The following DCLK2 variants were observed in gnomAD, a reference collection of about 807,000 sequenced individuals.
DCLK2 encodes the protein doublecortin like kinase 2, also known as serine/threonine-protein kinase DCLK2.
A neutral mutation model predicts 78.4 loss-of-function variants in DCLK2; 31 were observed. The ratio of observed to expected loss-of-function variants is 0.40; its 90% CI spans 0.30 to 0.53. DCLK2 has a LOEUF of 0.53. Ranked by LOEUF, DCLK2 falls within the 20% of genes least tolerant of loss-of-function variation. The pLI is 0.61. For synonymous variants in DCLK2, 407 were observed against 374.9 expected (o/e 1.09, Z -0.99); for missense variants, 872 against 973.7 (o/e 0.90, Z 1.39).
chr4:150,133,645 A>G (rs1733485895), intron 2 of DCLK2, among the ~76,000 whole-genome samples: 1 of 152,250 alleles, frequency 6.6e-6, no homozygotes, highest in African/African-American at 2.4e-5. Context: ...CTGTGTCAAC[A>G]TTTCCAAATT....
intron 2 of DCLK2, among the ~76,000 whole-genome samples, chr4:150,174,522 C>T (rs187920346): frequency 1.3e-5 from 2 of 152,190 alleles, no homozygotes; most frequent in East Asian, 1.9e-4. Flanking sequence ...GGCCACGCTT[C>T]GTTTAAGAAG....
intron 8 of DCLK2, among the ~76,000 whole-genome samples, chr4:150,230,765 C>A (rs1220461351): frequency 6.6e-6 from 1 of 152,188 alleles, no homozygotes; most frequent in African/African-American, 2.4e-5. Context: ...GGAAACGGGG[C>A]TCTGTCTGCT....
intron 8 of DCLK2, among the ~76,000 whole-genome samples, chr4:150,231,406 A>T (rs1742048011): frequency 6.6e-6 from 1 of 152,126 alleles, no homozygotes; most frequent in Non-Finnish European, 1.5e-5. Flanking sequence ...CTTGAAACAG[A>T]TTTTTCTCCA....
chr4:150,138,057 C>A (rs1260613384), intron 2 of DCLK2, among the ~76,000 whole-genome samples: 1 of 152,142 alleles, frequency 6.6e-6, no homozygotes, highest in Non-Finnish European at 1.5e-5. Context: ...ATTTTTATCT[C>A]CACCTGTTCT....
intron 5 of DCLK2, among the ~76,000 whole-genome samples, chr4:150,210,330 A>T (rs1269993350): frequency 6.6e-6 from 1 of 152,184 alleles, no homozygotes; most frequent in African/African-American, 2.4e-5. Context: ...TTTTACTTGC[A>T]AAAAACTAAC....
chr4:150,149,427 G>A (rs948633806), intron 2 of DCLK2, among the ~76,000 whole-genome samples: 2 of 152,128 alleles, frequency 1.3e-5, no homozygotes, highest in Non-Finnish European at 2.9e-5. Context: ...GGGTGTGTTT[G>A]GGTATCAGAA....
At chr4:150,110,377 T>C (rs957420878) in intron 2 of DCLK2, among the ~76,000 whole-genome samples, 2 of 152,240 alleles carry the variant, frequency 1.3e-5, no homozygotes, top group Admixed American at 1.3e-4. Context: ...GTTACATATG[T>C]ATTTGACAAT....
intron 2 of DCLK2, among the ~76,000 whole-genome samples, chr4:150,169,407 C>T (rs905367192): frequency 1.3e-5 from 2 of 152,164 alleles, no homozygotes; most frequent in African/African-American, 4.8e-5. Flanking sequence ...GCCTGTAATC[C>T]CAGCACTTTG....
intron 5 of DCLK2, 141 bp from the exon 6 acceptor site, chr4:150,220,562 G>C: frequency 3.2e-6 from 2 of 633,570 alleles, no homozygotes; most frequent in South Asian, 3.9e-5. Context: ...TAAGGAGAGA[G>C]GTGAGATGAG....
chr4:150,163,011 C>T (rs1447366815), intron 2 of DCLK2, among the ~76,000 whole-genome samples: 1 of 152,186 alleles, frequency 6.6e-6, no homozygotes, highest in African/African-American at 2.4e-5. Context: ...GACTGCGCAA[C>T]ACATCTTTCT....
chr4:150,211,972 A>G (rs1284040324), intron 5 of DCLK2, among the ~76,000 whole-genome samples: 1 of 152,216 alleles, frequency 6.6e-6, no homozygotes, highest in Admixed American at 6.5e-5. Flanking sequence ...TACCAGATGG[A>G]TGAAGAAAGC....
chr4:150,140,704 CTTCT>C (rs1734052535), intron 2 of DCLK2, among the ~76,000 whole-genome samples: 1 of 152,058 alleles, frequency 6.6e-6, no homozygotes, highest in African/African-American at 2.4e-5. Flanking sequence ...GTAGGTGCTA[CTTCT>C]TTATTTTTTA....
chr4:150,175,086 A>ATTTG lies in DCLK2; in HGVS notation c.757-18051_757-18050insTTGT, dbSNP rs1553964239. ...TATTTATATATATTTATATATTTAT[A>ATTTG]TATATATTTATATATATTTATATAT... On this transcript the variant is annotated intron_variant, in intron 2 of 15. Transcript: ENST00000296550. Among the ~76,000 whole-genome samples the ATTTG allele has an allele frequency of 1.1e-4, 4 of 38,018 alleles. 1 individual carries two copies. The highest frequency in any genetic ancestry group is 1.0e-3 in the Admixed American group (2 of 2,000). The allele number at this position is 38,018 out of a possible 152,430, so 24.9% of individuals were successfully genotyped here.
At chr4:150,196,721 T>G (rs1028449639) in intron 3 of DCLK2, among the ~76,000 whole-genome samples, 2 of 151,428 alleles carry the variant, frequency 1.3e-5, no homozygotes, top group Non-Finnish European at 2.9e-5. Context: ...AAATGTCAAA[T>G]GCATAATTCA....
chr4:150,102,038 A>G (rs1205366289), intron 1 of DCLK2, among the ~76,000 whole-genome samples: 1 of 152,210 alleles, frequency 6.6e-6, no homozygotes, highest in Non-Finnish European at 1.5e-5. Flanking sequence ...TGGAAGAAAT[A>G]TATTTGTATT....
chr4:150,097,378 G>A (rs1208423175), intron 1 of DCLK2, among the ~76,000 whole-genome samples: 1 of 152,070 alleles, frequency 6.6e-6, no homozygotes, highest in African/African-American at 2.4e-5. Context: ...GGTGAGGCTG[G>A]CCTGGAACTC....
At chr4:150,101,359 T>A (rs1463212064) in intron 1 of DCLK2, among the ~76,000 whole-genome samples, 1 of 152,204 alleles carries the variant, frequency 6.6e-6, no homozygotes, top group Non-Finnish European at 1.5e-5. Flanking sequence ...TAATCAGGAT[T>A]TCAAGAACAT....
At chr4:150,241,140 C>G (rs900472940) in intron 12 of DCLK2, among the ~76,000 whole-genome samples, 4 of 152,186 alleles carry the variant, frequency 2.6e-5, no homozygotes, top group Non-Finnish European at 5.9e-5. Context: ...AACAGGATCT[C>G]TTTCTTCTTA....
At position 150,256,207 on chromosome 4, in the gene DCLK2, G is replaced by A. The variant is rs780837468; in HGVS notation, c.2261G>A (p.Gly754Asp). 2 of 1,545,280 alleles carry A rather than the reference G, an allele frequency of 1.3e-6. No homozygotes were observed. The highest frequency in any genetic ancestry group is 2.8e-5 in the African/African-American group (2 of 72,390). ...CCCCACCCTCCTCCCGCTGCCCCGG[G>A]TGGTGAGCGGGCAGGAACCTGGCGC... ...PTPHPPPAAP[G>D]GERAGTWRRH... Residue 754 changes from glycine to aspartate, a missense_variant, in exon 16 of 16, where the codon GGT (glycine) becomes GAT (aspartate). Transcript: ENST00000296550.
Sources: allele counts gnomAD v4.1 joint callset (sites outside exome capture counted in the v4.1 genomes callset), GRCh38; gene constraint gnomAD v4.1.1; transcripts MANE v1.5; gene names NCBI Gene and HGNC (gene_info 2026-07-23, HGNC 2026-07-21).